The following ROBO1 variants were observed in gnomAD, a reference collection of about 807,000 sequenced individuals.
ROBO1 encodes roundabout guidance receptor 1, also known as roundabout homolog 1.
A neutral mutation model predicts 195.9 loss-of-function variants in ROBO1; 149 were observed. The observed-to-expected ratio is 0.76, with a 90% CI of 0.67 to 0.87. The LOEUF is 0.87. Among genes scored for constraint, ROBO1 ranks in the 40% least tolerant of loss-of-function variants. ROBO1 has a pLI of 0.00. For synonymous variants in ROBO1, 816 were observed against 733.2 expected, an observed-to-expected ratio of 1.11 and a Z score of -1.82; for missense variants, 1,933 against 2,068.3, an observed-to-expected ratio of 0.93 and a Z score of 1.27.
chr3:79,049,473 C>T (rs1285824016), intron 3 of ROBO1, among the ~76,000 whole-genome samples: 6 of 152,028 alleles, frequency 3.9e-5, no homozygotes, highest in African/African-American at 1.2e-4. Flanking sequence ...GAAAACGCTC[C>T]TCAGAATATT....
At chr3:78,799,124 C>G (rs2084276666) in intron 4 of ROBO1, among the ~76,000 whole-genome samples, 1 of 152,076 alleles carries the variant, frequency 6.6e-6, no homozygotes. Flanking sequence ...TACAAATTCG[C>G]ACAGCTTTTC....
chr3:79,155,326 G>GT (rs2080840230), intron 2 of ROBO1, among the ~76,000 whole-genome samples: 1 of 151,720 alleles, frequency 6.6e-6, no homozygotes, highest in Admixed American at 6.6e-5. Flanking sequence ...GGGAAGTAAA[G>GT]TAATTGTCCT....
At position 78,751,850 on chromosome 3, in the gene ROBO1, A is replaced by G. The variant is rs563293290; in HGVS notation, c.500-4950T>C. 5.9e-5 allele frequency among the ~76,000 whole-genome samples: 9 copies of G among 152,252 alleles called. No individual in the cohort carries two copies. The East Asian group carries it at 1.7e-3, about 29-fold the overall frequency. On this transcript the variant is annotated intron_variant, in intron 4 of 30. Coordinates refer to ENST00000464233, the MANE Select transcript of ROBO1 (RefSeq NM_002941.4). Reference sequence around the variant, plus strand: ...ATGATTGAAAAAGCTGTATATTAAGAAGCATTTTAATTAAATATGGGCAAT... The same window carrying G: ...ATGATTGAAAAAGCTGTATATTAAGGAGCATTTTAATTAAATATGGGCAAT...
chr3:79,394,990 C>A (rs1007716058), intron 2 of ROBO1, among the ~76,000 whole-genome samples: 6 of 152,136 alleles, frequency 3.9e-5, no homozygotes, highest in Non-Finnish European at 8.8e-5. Context: ...CTTATGGAGT[C>A]TAGATCAGTA....
chr3:79,193,581 CTTTTTT>C (rs869203963), intron 2 of ROBO1, among the ~76,000 whole-genome samples: 19 of 85,612 alleles, frequency 2.2e-4, no homozygotes, highest in African/African-American at 6.7e-4. Flanking sequence ...TGTGGTTTTG[CTTTTTT>C]TTTTTTTTTT....
rs1298918962 is a variant in ROBO1, at chr3:79,575,185, C to CAA, written c.88+14638_88+14639insTT. 7.8e-3 allele frequency among the ~76,000 whole-genome samples: 617 copies of CAA among 78,866 alleles called. 19 individuals are homozygous for CAA. Among genetic ancestry groups the CAA allele is most frequent in the Middle Eastern group, 0.048 (6 of 126 alleles). The allele number at this position is 78,866 out of a possible 152,430, so 51.7% of individuals were successfully genotyped here. A position where few individuals can be genotyped will look rare whatever the true frequency, so the allele number is the denominator to read the frequency against. ...AACAAATATATATAAATATATATAA[C>CAA]ATATATATAAATATATATATAACAG... On this transcript the variant is annotated intron_variant, in intron 2 of 30. Transcript: ENST00000464233.
chr3:78,926,476 C>T (rs998817544), intron 4 of ROBO1, among the ~76,000 whole-genome samples: 2 of 151,968 alleles, frequency 1.3e-5, no homozygotes, highest in Non-Finnish European at 2.9e-5. Flanking sequence ...GAAAGAAAGT[C>T]GGGAAGAATC....
chr3:79,585,338 C>T (rs1943795051), intron 2 of ROBO1, among the ~76,000 whole-genome samples: 1 of 151,950 alleles, frequency 6.6e-6, no homozygotes, highest in South Asian at 2.1e-4. Flanking sequence ...GCAAACTTAA[C>T]TTTGAATTTT....
chr3:79,432,937 TA>T (rs1211789566), intron 2 of ROBO1, among the ~76,000 whole-genome samples: 1 of 152,094 alleles, frequency 6.6e-6, no homozygotes, highest in East Asian at 1.9e-4. Context: ...TCCTAAGGAT[TA>T]ATATAGTTCA....
intron 2 of ROBO1, among the ~76,000 whole-genome samples, chr3:79,251,953 G>A (rs2082737341): frequency 1.3e-5 from 2 of 150,486 alleles, no homozygotes; most frequent in African/African-American, 2.4e-5. Context: ...CAGTCTCAAA[G>A]AAACCAGAAA....
Position 78,685,834 on chromosome 3 carries a change from G to C in ROBO1, c.1254C>G (p.Val418=), listed in dbSNP as rs368513979. 2.5e-5 allele frequency: 40 copies of C among 1,611,468 alleles called. No homozygotes were observed. In the African/African-American group the frequency reaches 3.1e-4, roughly 12 times the overall value. Residue 418 remains valine (V), a synonymous_variant, in exon 10 of 31, where the codon GTC becomes GTG. Coordinates refer to ENST00000464233, the MANE Select transcript of ROBO1 (RefSeq NM_002941.4). ...SQTGDLTITN[V]QRSDVGYYIC... is the part of the protein sequence containing the mutation. ...TGTAATAACCAACATCAGATCGCTG[G>C]ACATTAGTAATTGTGAGGTCGCCAG...
chr3:79,710,858 T>C (rs1040051007), intron 1 of ROBO1, among the ~76,000 whole-genome samples: 1 of 152,282 alleles, frequency 6.6e-6, no homozygotes, highest in African/African-American at 2.4e-5. Context: ...AAAGTTAGTT[T>C]GAATATCATC....
intron 3 of ROBO1, among the ~76,000 whole-genome samples, chr3:79,056,079 G>C (rs2078802047): frequency 6.6e-6 from 1 of 152,036 alleles, no homozygotes; most frequent in South Asian, 2.1e-4. Flanking sequence ...GCCTGCCCCT[G>C]CTTTAATACC....
chr3:79,392,725 G>T (rs1466177145), intron 2 of ROBO1, among the ~76,000 whole-genome samples: 1 of 152,098 alleles, frequency 6.6e-6, no homozygotes, highest in Non-Finnish European at 1.5e-5. Context: ...GGCAATAAAA[G>T]AAACTTCATT....
chr3:79,290,042 C>CT (rs1477952640), intron 2 of ROBO1, among the ~76,000 whole-genome samples: 6 of 151,960 alleles, frequency 3.9e-5, no homozygotes, highest in Admixed American at 2.0e-4. Flanking sequence ...CTTTCCTTTT[C>CT]TTTTTTCTTT....
At chr3:79,491,846 T>C (rs150364942) in intron 2 of ROBO1, among the ~76,000 whole-genome samples, 26 of 151,950 alleles carry the variant, frequency 1.7e-4, no homozygotes, top group Admixed American at 6.6e-4. Flanking sequence ...CCTCACCATG[T>C]CCAGTGTTTG....
intron 2 of ROBO1, among the ~76,000 whole-genome samples, chr3:79,457,606 G>T (rs569943506): frequency 4.0e-4 from 61 of 152,142 alleles, no homozygotes; most frequent in African/African-American, 1.5e-3. Context: ...AGAGAAACCT[G>T]GTGGGAGGTA....
At chr3:78,777,804 T>A (rs1032102537) in intron 4 of ROBO1, among the ~76,000 whole-genome samples, 5 of 152,208 alleles carry the variant, frequency 3.3e-5, no homozygotes, top group Admixed American at 3.3e-4. Context: ...ACTTCCTCTC[T>A]TACTATTTGA....
At chr3:79,102,151 AT>A (rs1255729250) in intron 3 of ROBO1, among the ~76,000 whole-genome samples, 3 of 151,862 alleles carry the variant, frequency 2.0e-5, no homozygotes, top group African/African-American at 7.2e-5. Flanking sequence ...TTCTCAGGAA[AT>A]AATACCTTTC....
Sources: gnomAD v4.1 joint callset for allele counts (sites outside exome capture counted in the v4.1 genomes callset) on GRCh38, gnomAD v4.1.1 for gene constraint, MANE v1.5 for transcripts, NCBI Gene and HGNC (gene_info 2026-07-23, HGNC 2026-07-21) for gene names.